The following CNTNAP2 variants were observed in gnomAD, a reference collection of about 807,000 sequenced individuals.
The protein encoded by CNTNAP2 is contactin-associated protein-like 2.
In CNTNAP2, 98 loss-of-function variants were observed where a neutral mutation model predicts 155.2. The ratio of observed to expected loss-of-function variants is 0.63; its 90% confidence interval spans 0.54 to 0.75. CNTNAP2 has a LOEUF of 0.75. Ranked by LOEUF, CNTNAP2 falls within the 30% of genes least tolerant of loss-of-function variation. The pLI is 0.00. For missense variants in CNTNAP2, 1,727 were observed against 1,688.1 expected (o/e 1.02, Z -0.40); for synonymous variants, 651 against 631.2 (o/e 1.03, Z -0.47).
At chr7:147,499,796 G>A (rs997527965) in intron 11 of CNTNAP2, among the ~76,000 whole-genome samples, 1 of 152,132 alleles carries the variant, frequency 6.6e-6, no homozygotes, top group Non-Finnish European at 1.5e-5. Context: ...CTGTATATAA[G>A]ATCATGTTAC....
At chr7:146,801,252 C>T (rs1376289935) in intron 2 of CNTNAP2, among the ~76,000 whole-genome samples, 1 of 152,068 alleles carries the variant, frequency 6.6e-6, no homozygotes, top group African/African-American at 2.4e-5. Context: ...AGAACTCACT[C>T]AGTACCAAGA....
intron 13 of CNTNAP2, among the ~76,000 whole-genome samples, chr7:147,838,082 G>T (rs1798662233): frequency 6.6e-6 from 1 of 152,230 alleles, no homozygotes; most frequent in Non-Finnish European, 1.5e-5. Flanking sequence ...TCAATACCAT[G>T]TGGAAGCTGC....
chr7:148,392,961 G>A (rs747559061), intron 22 of CNTNAP2, among the ~76,000 whole-genome samples: 2 of 152,112 alleles, frequency 1.3e-5, no homozygotes, highest in African/African-American at 2.4e-5. Context: ...TTTACCACTG[G>A]CCACAGATTG....
In CNTNAP2 at chr7:146,150,137, C is replaced by T. The variant is rs184775368; in HGVS notation, c.97+33164C>T. Among the ~76,000 whole-genome samples, 3 of 152,006 alleles carry T rather than the reference C, an allele frequency of 2.0e-5. No individual in the cohort carries two copies. The East Asian group carries it at 5.8e-4, about 29-fold the overall frequency. The stretch of plus-strand genomic sequence containing the variant: ...TTGCACTGTTTACAAAGATAAATGT[C>T]TGATAAGCACAAAACATTTAATGTA... On this transcript the variant is annotated intron_variant, in intron 1 of 23. Transcript: ENST00000361727.
At chr7:146,173,413 T>C (rs1460186568) in intron 1 of CNTNAP2, among the ~76,000 whole-genome samples, 1 of 152,140 alleles carries the variant, frequency 6.6e-6, no homozygotes, top group Non-Finnish European at 1.5e-5. Flanking sequence ...GAAAATAAAT[T>C]GATGTAACAC....
chr7:147,818,384 A>G (rs1174049370), intron 13 of CNTNAP2, among the ~76,000 whole-genome samples: 2 of 152,216 alleles, frequency 1.3e-5, no homozygotes, highest in Non-Finnish European at 2.9e-5. Context: ...TGCAGAAGCT[A>G]ATAGTGTACT....
intron 1 of CNTNAP2, among the ~76,000 whole-genome samples, chr7:146,154,178 A>T (rs974600496): frequency 1.3e-5 from 2 of 152,156 alleles, no homozygotes; most frequent in Non-Finnish European, 2.9e-5. Flanking sequence ...GGTTTGGAAA[A>T]ATAGTGTAAT....
intron 4 of CNTNAP2, among the ~76,000 whole-genome samples, chr7:147,104,275 G>T (rs1290663780): frequency 6.6e-6 from 1 of 152,050 alleles, no homozygotes; most frequent in Non-Finnish European, 1.5e-5. Flanking sequence ...TATTGAAGAA[G>T]TTGGACATTT....
chr7:148,357,346 C>T (rs1798536352), intron 21 of CNTNAP2, among the ~76,000 whole-genome samples: 1 of 152,128 alleles, frequency 6.6e-6, no homozygotes, highest in Non-Finnish European at 1.5e-5. Context: ...ACTGTGAGTC[C>T]ATTAAACCTC....
At chr7:148,349,073 CT>C (rs1322838150) in intron 21 of CNTNAP2, among the ~76,000 whole-genome samples, 1 of 152,108 alleles carries the variant, frequency 6.6e-6, no homozygotes, top group Non-Finnish European at 1.5e-5. Flanking sequence ...GAAGCCCCTG[CT>C]TTTATGGAGC....
chr7:146,839,359 G>A (rs547636277), intron 2 of CNTNAP2, among the ~76,000 whole-genome samples: 4 of 152,042 alleles, frequency 2.6e-5, no homozygotes, highest in Non-Finnish European at 5.9e-5. Context: ...AAATTGGATA[G>A]TTACATACAT....
intron 1 of CNTNAP2, among the ~76,000 whole-genome samples, chr7:146,512,768 G>A (rs1068272): frequency 0.029 from 4,359 of 151,896 alleles, 205 homozygotes; most frequent in African/African-American, 0.099. Context: ...TTATGCAGCC[G>A]TTGGATAAAA....
At chr7:146,454,112 A>G (rs1796521176) in intron 1 of CNTNAP2, among the ~76,000 whole-genome samples, 1 of 152,224 alleles carries the variant, frequency 6.6e-6, no homozygotes, top group East Asian at 1.9e-4. Context: ...AAAATTTTAA[A>G]GTTATGCTAT....
rs190661352 is a variant in CNTNAP2 at position 147,293,217 on chromosome 7, C to T, written c.1349-6924C>T. Among the ~76,000 whole-genome samples the T allele has an allele frequency of 2.2e-3, 338 of 152,234 alleles. 3 individuals carry two copies. The highest frequency in any genetic ancestry group is 7.5e-3 in the African/African-American group (310 of 41,556). On this transcript the variant is annotated intron_variant, in intron 8 of 23. Coordinates refer to ENST00000361727, the MANE Select transcript of CNTNAP2 (RefSeq NM_014141.6). ...GACTCTTTGTAACTTTACAATAAGG[C>T]ATTTGGCAGTTTCTTTATCATAAAA...
intron 1 of CNTNAP2, among the ~76,000 whole-genome samples, chr7:146,346,594 A>G (rs1163585721): frequency 6.6e-6 from 1 of 152,178 alleles, no homozygotes; most frequent in Non-Finnish European, 1.5e-5. Flanking sequence ...AGGCAGGAGA[A>G]GTGCTTGAGC....
intron 15 of CNTNAP2, among the ~76,000 whole-genome samples, chr7:148,116,902 A>G (rs1431339915): frequency 3.9e-5 from 6 of 152,242 alleles, no homozygotes; most frequent in Non-Finnish European, 7.3e-5. Context: ...TTTAAAAAGC[A>G]TACATTTGGA....
intron 1 of CNTNAP2, among the ~76,000 whole-genome samples, chr7:146,298,499 C>T (rs991132218): frequency 2.6e-5 from 4 of 152,180 alleles, no homozygotes; most frequent in African/African-American, 9.6e-5. Flanking sequence ...GTTGCAGTAA[C>T]AGCAGAGTCT....
intron 1 of CNTNAP2, among the ~76,000 whole-genome samples, chr7:146,174,201 C>CAA (rs922201424): frequency 8.0e-6 from 1 of 124,632 alleles, no homozygotes; most frequent in Admixed American, 8.4e-5. Flanking sequence ...GATGCTGTCT[C>CAA]AAAAAAAAAA....
intron 1 of CNTNAP2, among the ~76,000 whole-genome samples, chr7:146,315,287 C>G (rs535062300): frequency 1.3e-5 from 2 of 152,248 alleles, no homozygotes; most frequent in Admixed American, 6.5e-5. Context: ...TGTGCTGTCT[C>G]TGACATTCTG....
Sources: gnomAD v4.1 joint callset for allele counts (sites outside exome capture counted in the v4.1 genomes callset) on GRCh38, gnomAD v4.1.1 for gene constraint, MANE v1.5 for transcripts, NCBI Gene and HGNC (gene_info 2026-07-23, HGNC 2026-07-21) for gene names.